The following FILIP1L variants were observed in gnomAD, a reference collection of about 807,000 sequenced individuals.
FILIP1L encodes the protein filamin A interacting protein 1 like.
FILIP1L carries 55 observed loss-of-function variants against 96.6 expected under a neutral mutation model. The ratio of observed to expected loss-of-function variants is 0.57; its 90% CI spans 0.46 to 0.71. The LOEUF (loss-of-function observed/expected upper bound fraction) is 0.71. FILIP1L is among the 30% of genes least tolerant of loss of function. FILIP1L has a pLI of 0.00. For synonymous variants in FILIP1L, 467 were observed against 473.9 expected (o/e 0.99, Z 0.19); for missense variants, 1,304 against 1,321.2 (o/e 0.99, Z 0.20).
intron 1 of FILIP1L, among the ~76,000 whole-genome samples, chr3:99,973,741 TC>T (rs1436309841): frequency 1.3e-5 from 2 of 152,178 alleles, no homozygotes; most frequent in East Asian, 3.8e-4. Context: ...CTCACTTTTT[TC>T]CCCCAGTTTG....
At chr3:99,954,792 C>T (rs775284627) in intron 1 of FILIP1L, among the ~76,000 whole-genome samples, 6 of 151,718 alleles carry the variant, frequency 4.0e-5, no homozygotes, top group Non-Finnish European at 7.4e-5. Flanking sequence ...CACCACTGCA[C>T]TCCAGCCTGA....
intron 4 of FILIP1L, among the ~76,000 whole-genome samples, chr3:99,916,285 AT>A (rs1706946917): frequency 6.6e-6 from 1 of 151,310 alleles, no homozygotes; most frequent in Non-Finnish European, 1.5e-5. Context: ...AGGGCTTTAG[AT>A]TGGGAATAGA....
chr3:99,929,817 G>A, intron 3 of FILIP1L, 39 bp downstream of exon 3: 1 of 1,498,910 alleles, frequency 6.7e-7, no homozygotes, highest in Non-Finnish European at 9.0e-7. Context: ...GCTAGTGCTT[G>A]GCTGCCTCCC....
chr3:99,962,901 A>G (rs1019511371), intron 1 of FILIP1L, among the ~76,000 whole-genome samples: 2 of 152,148 alleles, frequency 1.3e-5, no homozygotes, highest in Non-Finnish European at 2.9e-5. Flanking sequence ...ACAACTACAT[A>G]CTCACTGGAA....
At chr3:99,942,251 A>G (rs1240200603) in intron 1 of FILIP1L, among the ~76,000 whole-genome samples, 1 of 152,016 alleles carries the variant, frequency 6.6e-6, no homozygotes, top group South Asian at 2.1e-4. Context: ...TGTTAATGGC[A>G]TTGTGTTTAT....
intron 1 of FILIP1L, among the ~76,000 whole-genome samples, chr3:99,938,078 C>CGT (rs1707742628): frequency 1.4e-5 from 2 of 138,418 alleles, no homozygotes; most frequent in Middle Eastern, 3.9e-3. Context: ...TGTGTGTGCG[C>CGT]GCGCGCGCGC....
chr3:100,059,392 G>T (rs151173753), intron 1 of FILIP1L, among the ~76,000 whole-genome samples: 1 of 152,170 alleles, frequency 6.6e-6, no homozygotes, highest in Non-Finnish European at 1.5e-5. Flanking sequence ...CTTGCTTTTA[G>T]CCTCATCTCC....
At chr3:100,044,320 AAAAT>A (rs1181934990) in intron 1 of FILIP1L, among the ~76,000 whole-genome samples, 1 of 152,224 alleles carries the variant, frequency 6.6e-6, no homozygotes, top group Admixed American at 6.5e-5. Flanking sequence ...AAACCAGTGA[AAAAT>A]AAATATTTAA....
chr3:99,874,796 T>C (rs1025118949), intron 4 of FILIP1L, among the ~76,000 whole-genome samples: 10 of 152,248 alleles, frequency 6.6e-5, no homozygotes, highest in African/African-American at 1.7e-4. Context: ...TGACATTTTC[T>C]TCTGACAATT....
In FILIP1L at chr3:99,912,215, C is replaced by T. The variant is rs549109186; in HGVS notation, c.605+12015G>A. Among the ~76,000 whole-genome samples, 10 of 152,182 alleles carry T rather than the reference C, an allele frequency of 6.6e-5. No individual in the cohort carries two copies. The East Asian group carries it at 1.9e-3, about 29-fold the overall frequency. On this transcript the variant is annotated intron_variant, in intron 4 of 5. Transcript: ENST00000477258. Reference sequence around the variant, plus strand: ...TTACAACATGTCTGAACCCTGAAAACATTATTTTAAGTGAAAGAAAACAGG... The same window carrying T: ...TTACAACATGTCTGAACCCTGAAAATATTATTTTAAGTGAAAGAAAACAGG...
At position 99,848,273 on chromosome 3, in the gene FILIP1L, G is replaced by GATC; in HGVS notation, c.3381+21_3381+22insGAT. On this transcript the variant is annotated intron_variant, in intron 5 of 5. Transcript: ENST00000477258. ...TATGGACTGGATGAGGGTGAGCGTG[G>GATC]TCAGTTATATATATTACTTACTGTA... The GATC allele has an allele frequency of 2.5e-6, 4 of 1,612,010 alleles. No homozygotes were observed. In the South Asian group the frequency reaches 3.3e-5, roughly 13 times the overall value.
chr3:99,930,889 C>T lies in FILIP1L; in HGVS notation c.132G>A (p.Ser44=), dbSNP rs373650254. 5.0e-6 allele frequency: 8 copies of T among 1,613,212 alleles called. No individual in the cohort carries two copies. Among genetic ancestry groups the T allele is most frequent in the Admixed American group, 1.7e-5 (1 of 59,918 alleles). The change falls in exon 2 of 6, where the codon TCG becomes TCA. Residue 44 remains serine, a synonymous_variant. Transcript: ENST00000477258. ...CCTTGGGACACGGAAGTATTACATC[C>T]GACTCACTGGGGGAGTCTTTGTCTT... is the stretch of plus-strand genomic sequence containing the variant. ...RQQDKDSPSE[S]DVILPCPKAE...
chr3:100,069,685 G>A (rs369151061), intron 1 of FILIP1L, among the ~76,000 whole-genome samples: 14 of 152,238 alleles, frequency 9.2e-5, no homozygotes, highest in African/African-American at 2.2e-4. Context: ...AGGAAATGTC[G>A]TCATGGTCTG....
intron 4 of FILIP1L, among the ~76,000 whole-genome samples, chr3:99,853,197 TA>T (rs947652735): frequency 6.6e-6 from 1 of 152,074 alleles, no homozygotes; most frequent in Admixed American, 6.5e-5. Context: ...GTGAAATAGT[TA>T]AAAAAAACTT....
At chr3:99,997,592 G>C (rs1030535045) in intron 1 of FILIP1L, among the ~76,000 whole-genome samples, 7 of 152,194 alleles carry the variant, frequency 4.6e-5, no homozygotes, top group Admixed American at 2.0e-4. Context: ...GATGGTAGGG[G>C]CAGGGTGGGA....
intron 1 of FILIP1L, among the ~76,000 whole-genome samples, chr3:99,964,872 A>G (rs543981827): frequency 6.6e-6 from 1 of 152,272 alleles, no homozygotes; most frequent in Non-Finnish European, 1.5e-5. Flanking sequence ...CTAAGTTAAT[A>G]TTAGATCACT....
intron 1 of FILIP1L, among the ~76,000 whole-genome samples, chr3:100,084,897 T>C (rs746860093): frequency 4.6e-5 from 7 of 152,248 alleles, no homozygotes; most frequent in Non-Finnish European, 1.0e-4. Flanking sequence ...TAGGGAATTA[T>C]AAATGAAGTA....
chr3:99,850,167 T>A lies in FILIP1L; in HGVS notation c.1509A>T (p.Glu503Asp), dbSNP rs1677837702. 1 of 1,610,790 alleles carries A rather than the reference T, an allele frequency of 6.2e-7. No homozygotes were observed. The highest frequency in any genetic ancestry group is 1.7e-5 in the Admixed American group (1 of 59,568). The change falls in exon 5 of 6, where the codon GAA becomes GAT. Residue 503 changes from glutamate (E) to aspartate (D), a missense_variant. Coordinates refer to ENST00000477258, the MANE Select transcript of FILIP1L (RefSeq NM_001387850.1). ...LKTLTVMFVDERKTMSEKLKK... is the reference protein window; with the variant it reads ...LKTLTVMFVDDRKTMSEKLKK... ...TTAATTTTTCACTCATTGTTTTCCGTTCATCTACAAACATCACAGTTAATG... is the reference window on the plus strand; with the variant it reads ...TTAATTTTTCACTCATTGTTTTCCGATCATCTACAAACATCACAGTTAATG...
intron 1 of FILIP1L, among the ~76,000 whole-genome samples, chr3:99,975,728 C>G (rs1439879799): frequency 6.6e-6 from 1 of 152,174 alleles, no homozygotes; most frequent in Non-Finnish European, 1.5e-5. Context: ...CAGCAAAGTC[C>G]TGAGTATATA....
Sources: allele counts gnomAD v4.1 joint callset (sites outside exome capture counted in the v4.1 genomes callset), GRCh38; gene constraint gnomAD v4.1.1; transcripts MANE v1.5; gene names NCBI Gene and HGNC (gene_info 2026-07-23, HGNC 2026-07-21).